Variants in MYH14 observed in about 807,000 individuals in gnomAD.
MYH14 encodes the protein myosin heavy chain 14.
A neutral mutation model predicts 255.5 loss-of-function variants in MYH14; 123 were observed. The ratio of observed to expected loss-of-function variants is 0.48; its 90% CI spans 0.42 to 0.56. The LOEUF is 0.56. MYH14 is among the 20% of genes least tolerant of loss of function. MYH14 has a pLI of 0.00. For missense variants in MYH14, 2,423 were observed against 2,802.3 expected (o/e 0.86, Z 3.06); for synonymous variants, 1,095 against 1,161.2 (o/e 0.94, Z 1.16).
At chr19:50,211,830 T>A (rs1318330039) in intron 2 of MYH14, among the ~76,000 whole-genome samples, 2 of 146,964 alleles carry the variant, frequency 1.4e-5, no homozygotes, top group Admixed American at 6.8e-5. Context: ...AAAAAAAAAA[T>A]ACAATAAATT....
chr19:50,244,640 C>T lies in MYH14; in HGVS notation c.1210+303C>T, dbSNP rs577305671. On this transcript the variant is annotated intron_variant, in intron 11 of 42. Transcript: ENST00000642316. ...CTGGGACTACAGGCGCCCGCCACCACGCCCGGCTAATTGTTTGTATTTTTA... is the reference window on the plus strand; with the variant it reads ...CTGGGACTACAGGCGCCCGCCACCATGCCCGGCTAATTGTTTGTATTTTTA... 2.9e-3 allele frequency among the ~76,000 whole-genome samples: 444 copies of T among 152,088 alleles called. 3 individuals carry two copies. The highest frequency in any genetic ancestry group is 9.9e-3 in the African/African-American group (409 of 41,486).
intron 33 of MYH14, chr19:50,286,048 A>G (rs952871587): frequency 1.3e-5 from 2 of 155,556 alleles, no homozygotes; most frequent in African/African-American, 4.8e-5. Context: ...ACGTTCTAAT[A>G]TGTAGGTCAT....
intron 22 of MYH14, among the ~76,000 whole-genome samples, 155 bp downstream of exon 22, chr19:50,263,575 G>T (rs1247804824): frequency 6.6e-6 from 1 of 152,162 alleles, no homozygotes; most frequent in African/African-American, 2.4e-5. Flanking sequence ...GGATTCTTTA[G>T]TTAGCAAGCA....
rs1077990 is a variant in MYH14 at position 50,278,341 on chromosome 19, G to C, written c.4032+52G>C. The C allele has an allele frequency of 0.14, 187,081 of 1,321,530 alleles. 14,414 individuals are homozygous for C. The highest frequency in any genetic ancestry group is 0.27 in the South Asian group (18,355 of 68,006). The allele number at this position is 1,321,530 out of a possible 1,614,324, so 81.9% of individuals were successfully genotyped here. On this transcript the variant is annotated intron_variant, in intron 30 of 42. Transcript: ENST00000642316. ...TTCTGCTGTGTGACCTTGGTGACAT[G>C]CCTGCCCTCTCTGGGCTTCTATTTG... is the stretch of plus-strand genomic sequence containing the variant.
intron 1 of MYH14, among the ~76,000 whole-genome samples, chr19:50,209,094 G>C (rs935022566): frequency 6.6e-6 from 1 of 152,116 alleles, no homozygotes; most frequent in Non-Finnish European, 1.5e-5. Context: ...GGAAGTCAAG[G>C]ATGTGGTGAG....
At chr19:50,214,842 A>G (rs2032387021) in intron 2 of MYH14, among the ~76,000 whole-genome samples, 1 of 152,092 alleles carries the variant, frequency 6.6e-6, no homozygotes, top group Admixed American at 6.5e-5. Context: ...TGAGTGATGT[A>G]AGAGTCTCCA....
In MYH14 at chr19:50,274,864, G is replaced by A. The variant is rs547322824; in HGVS notation, c.3468-1127G>A. Among the ~76,000 whole-genome samples, 3 of 151,264 alleles carry A rather than the reference G, an allele frequency of 2.0e-5. No individual in the cohort carries two copies. The East Asian group carries it at 5.9e-4, about 30-fold the overall frequency. On this transcript the variant is annotated intron_variant, in intron 27 of 42. Coordinates refer to ENST00000642316, the MANE Select transcript of MYH14 (RefSeq NM_001145809.2). ...GAGGATCCTTTGAACCTGGGAAGTC[G>A]AGGCTGCAGTGAGCTATGATTGTGC...
At chr19:50,274,888 G>A (rs1431623035) in intron 27 of MYH14, among the ~76,000 whole-genome samples, 5 of 149,388 alleles carry the variant, frequency 3.3e-5, no homozygotes, top group Non-Finnish European at 5.9e-5. Context: ...CTATGATTGT[G>A]CCACTGCACT....
chr19:50,271,876 G>A lies in MYH14; in HGVS notation c.3199G>A (p.Ala1067Thr). Residue 1067 changes from alanine (A) to threonine (T), a missense_variant, in exon 26 of 43, where the codon GCC (alanine) becomes ACC (threonine). Ala to Thr is a moderately conservative substitution (Grantham distance 58, BLOSUM62 0). Transcript: ENST00000642316. The stretch of plus-strand genomic sequence containing the variant: ...GCGGAAGCTGCTGGAAGATCGTCTG[G>A]CCGAGTTCTCATCCCAGGCAGCTGA... ...KERKLLEDRLAEFSSQAAEEE... is the reference protein window; with the variant it reads ...KERKLLEDRLTEFSSQAAEEE... 2.5e-6 allele frequency: 4 copies of A among 1,613,494 alleles called. No individual in the cohort carries two copies. Among genetic ancestry groups the A allele is most frequent in the Non-Finnish European group, 3.4e-6 (4 of 1,179,800 alleles).
intron 33 of MYH14, among the ~76,000 whole-genome samples, chr19:50,282,929 G>T (rs1475941611): frequency 6.6e-6 from 1 of 151,838 alleles, no homozygotes; most frequent in Non-Finnish European, 1.5e-5. Flanking sequence ...GAACATTTCA[G>T]CCATTATTTC....
intron 24 of MYH14, 147 bp from the exon 25 acceptor site, chr19:50,271,262 G>T: frequency 1.3e-6 from 1 of 775,218 alleles, no homozygotes; most frequent in Non-Finnish European, 2.0e-6. Flanking sequence ...ATAAGAGTTT[G>T]ATCCTTCCCG....
Position 50,281,626 on chromosome 19 carries a change from G to A in MYH14, c.4323G>A (p.Glu1441=), listed in dbSNP as rs767900023. The change falls in exon 33 of 43, where the codon GAG becomes GAA. Residue 1441 remains glutamate (E), a synonymous_variant. Transcript: ENST00000642316. ...LSEWRRRQEE[E]AGALEAGEEA... ...AGTGGCGGCGGCGCCAGGAGGAGGA[G>A]GCAGGGGCACTGGAGGCAGGGGAGG... The A allele has an allele frequency of 1.2e-6, 2 of 1,602,242 alleles. No individual in the cohort carries two copies. Among genetic ancestry groups the A allele is most frequent in the African/African-American group, 2.7e-5 (2 of 74,594 alleles).
intron 39 of MYH14, among the ~76,000 whole-genome samples, chr19:50,300,881 C>T (rs936659215): frequency 2.0e-5 from 3 of 151,870 alleles, no homozygotes; most frequent in African/African-American, 7.3e-5. Flanking sequence ...TGGGATTTCA[C>T]CAGCTGGGCA....
chr19:50,250,510 G>T lies in MYH14; in HGVS notation c.1657-5G>T. ...ACTTACTCTCCCCCTGCTGTCAATGGCCAGGCCAACCCCCCTGGACTCCTG... is the reference window on the plus strand; with the variant it reads ...ACTTACTCTCCCCCTGCTGTCAATGTCCAGGCCAACCCCCCTGGACTCCTG... On this transcript the variant is annotated splice_region_variant and splice_polypyrimidine_tract_variant and intron_variant, in intron 14 of 42. Coordinates refer to ENST00000642316, the MANE Select transcript of MYH14 (RefSeq NM_001145809.2). The surrounding 1 kb of genome is among the most constrained non-coding windows in gnomAD (Gnocchi z 5.4). 1 of 1,611,848 alleles carries T rather than the reference G, an allele frequency of 6.2e-7. No homozygotes were observed. The highest frequency in any genetic ancestry group is 8.5e-7 in the Non-Finnish European group (1 of 1,179,052).
rs767915384 is a variant in MYH14, at chr19:50,249,085, C to T, written c.1428C>T (p.Arg476=). 1.2e-6 allele frequency: 2 copies of T among 1,604,876 alleles called. No homozygotes were observed. The highest frequency in any genetic ancestry group is 1.7e-6 in the Non-Finnish European group (2 of 1,176,064). The change falls in exon 13 of 43, where the codon CGC becomes CGT. Residue 476 remains arginine (R), a synonymous_variant. Coordinates refer to ENST00000642316, the MANE Select transcript of MYH14 (RefSeq NM_001145809.2). ...ACCGGGCCTTGGACCGCAGCCCCCG[C>T]CAAGGCGCCTCCTTCCTGGGCATCC... ...RLNRALDRSP[R]QGASFLGILD... is the part of the protein sequence containing the mutation.
Position 50,252,694 on chromosome 19 carries a change from A to T in MYH14, c.1886A>T (p.Asn629Ile), listed in dbSNP as rs556139921. 1 of 1,601,868 alleles carries T rather than the reference A, an allele frequency of 6.2e-7. No homozygotes were observed. Residue 629 changes from asparagine (N) to isoleucine (I), a missense_variant, in exon 16 of 43, where the codon AAC becomes ATC. Around this residue, in one of 3 missense-constraint regions of MYH14, gnomAD observed 672 missense variants for 881.8 expected, o/e 0.76. Coordinates refer to ENST00000642316, the MANE Select transcript of MYH14 (RefSeq NM_001145809.2). The surrounding 1 kb of genome is among the most constrained non-coding windows in gnomAD (Gnocchi z 4.2). The stretch of plus-strand genomic sequence containing the variant: ...AAAAACATGGACCCTCTGAATGACA[A>T]CGTCGCAGCCTTGCTCCACCAGAGC... ...LMKNMDPLND[N>I]VAALLHQSTD...
At chr19:50,225,509 C>A in intron 6 of MYH14, 76 bp from the exon 7 acceptor site, 1 of 1,159,590 alleles carries the variant, frequency 8.6e-7, no homozygotes, top group Non-Finnish European at 1.3e-6. Flanking sequence ...CAGCTGGAGA[C>A]ACAGCCCGAG....
intron 1 of MYH14, among the ~76,000 whole-genome samples, chr19:50,209,125 T>C (rs2032003176): frequency 6.6e-6 from 1 of 152,168 alleles, no homozygotes; most frequent in African/African-American, 2.4e-5. Flanking sequence ...ACCACTGCAC[T>C]CCAGCCTGAG....
rs2034442250 is a variant in MYH14 at position 50,252,578 on chromosome 19, G to A, written c.1831-61G>A. The A allele has an allele frequency of 8.2e-7, 1 of 1,216,026 alleles. No homozygotes were observed. 75.3% of individuals were successfully genotyped at this position (1,216,026 alleles called of 1,614,324 possible). ...CTCAGAGCTTCTGGAAGGCTCCTTA[G>A]GAAATCCAGAGAATGTCTGAGCCTG... On this transcript the variant is annotated intron_variant, in intron 15 of 42. Coordinates refer to ENST00000642316, the MANE Select transcript of MYH14 (RefSeq NM_001145809.2). The surrounding 1 kb of genome is among the most constrained non-coding windows in gnomAD (Gnocchi z 4.2).
Sources: gnomAD v4.1 joint callset for allele counts (sites outside exome capture counted in the v4.1 genomes callset) on GRCh38, gnomAD v4.1.1 for gene constraint, gnomAD v4.1.1 regional missense constraint, Gnocchi (gnomAD v3.1) non-coding constraint, MANE v1.5 for transcripts, NCBI Gene and HGNC (gene_info 2026-07-23, HGNC 2026-07-21) for gene names.